The following AEBP1 variants were observed in gnomAD, a reference collection of about 807,000 sequenced individuals.
AEBP1 encodes adipocyte enhancer-binding protein 1.
A neutral mutation model predicts 116.5 loss-of-function variants in AEBP1; 69 were observed. The ratio of observed to expected loss-of-function variants is 0.59; its 90% CI spans 0.49 to 0.72. AEBP1 has a LOEUF of 0.72. Among genes scored for constraint, AEBP1 ranks in the 30% least tolerant of loss-of-function variants. The pLI is 0.00. For synonymous variants in AEBP1, 627 were observed against 627.3 expected (o/e 1.00, Z 0.01); for missense variants, 1,444 against 1,557.5 (o/e 0.93, Z 1.23).
Position 44,112,321 on chromosome 7 carries a change from G to A in AEBP1, c.2217G>A (p.Thr739=), listed in dbSNP as rs1437133177. 1 of 1,544,086 alleles carries A rather than the reference G, an allele frequency of 6.5e-7. No individual in the cohort carries two copies. ...AACGCTACCTTTCGCCAGATGCCAC[G>A]GTGAGGCTACAGCCTGGCTGAAAGG... The part of the protein sequence containing the change: ...IPERYLSPDA[T]VSTEVRAIIA... The change falls in exon 17 of 21, where the codon ACG becomes ACA. Residue 739 remains threonine, a splice_region_variant and synonymous_variant. Transcript: ENST00000223357. The surrounding 1 kb of genome is among the most constrained non-coding windows in gnomAD (Gnocchi z 6.6).
Position 44,111,197 on chromosome 7 carries a change from T to C in AEBP1, c.1674T>C (p.Asp558=), listed in dbSNP as rs2096229006. The C allele has an allele frequency of 6.6e-7, 1 of 1,515,150 alleles. No individual in the cohort carries two copies. The highest frequency in any genetic ancestry group is 2.3e-5 in the East Asian group (1 of 43,804). The allele number at this position is 1,515,150 out of a possible 1,614,324, so 93.9% of individuals were successfully genotyped here. A position where few individuals can be genotyped will look rare whatever the true frequency, so the allele number is the denominator to read the frequency against. ...CACAGAATGAGGTGGTGGCCACCGA[T>C]GACCTGGATTTCCGGCACCACAGCT... The part of the protein sequence containing the change: ...YYAQNEVVAT[D]DLDFRHHSYK... The change falls in exon 14 of 21, where the codon GAT becomes GAC. Residue 558 remains aspartate (D), a synonymous_variant. Transcript: ENST00000223357. This position sits in a 1 kb window ranked among gnomAD's most constrained non-coding sequence, Gnocchi z 4.7.
At chr7:44,109,552 G>A (rs1014041731) in intron 9 of AEBP1, 5 of 621,330 alleles carry the variant, frequency 8.0e-6, no homozygotes, top group Non-Finnish European at 1.4e-5. Flanking sequence ...GCTTCAGGAG[G>A]GTGGCAGCTC....
rs376965157 is a variant in AEBP1 at position 44,108,973 on chromosome 7, CTGAG to C, written c.1018+4_1018+7del. ...CCAGACAGACGAAGAGAAGGAGGAG[CTGAG>C]TGAGTGGGACCAAGGACTTCCCACA... On this transcript the variant is annotated splice_donor_variant and coding_sequence_variant, in exon 7 of 21. Coordinates refer to ENST00000223357, the MANE Select transcript of AEBP1 (RefSeq NM_001129.5). LOFTEE classifies it high-confidence loss of function. This position sits in a 1 kb window ranked among gnomAD's most constrained non-coding sequence, Gnocchi z 5.0. The C allele has an allele frequency of 7.7e-3, 12,338 of 1,605,148 alleles. 75 individuals carry two copies. Among genetic ancestry groups the C allele is most frequent in the Non-Finnish European group, 9.1e-3 (10,673 of 1,176,442 alleles).
rs1397113448 is a variant in AEBP1 at position 44,106,804 on chromosome 7, C to T, written c.512C>T (p.Pro171Leu). 6.2e-7 allele frequency: 1 copy of T among 1,611,100 alleles called. No homozygotes were observed. The highest frequency in any genetic ancestry group is 1.1e-5 in the South Asian group (1 of 90,674). ...TKKPPSGKRP[P>L]ILAPSETLEW... ...AAGCCCCCGTCAGGGAAGAGGCCCC[C>T]CATTCTGGCTCCCTCAGAAACCCTG... Residue 171 changes from proline to leucine, a missense_variant, in exon 2 of 21, where the codon CCC becomes CTC. By Grantham distance (98) the Pro-to-Leu change is moderately conservative. Transcript: ENST00000223357.
rs1457999090 is a variant in AEBP1, at chr7:44,110,216, A to G, written c.1270A>G (p.Thr424Ala). 4 of 1,613,514 alleles carry G rather than the reference A, an allele frequency of 2.5e-6. No individual in the cohort carries two copies. Among genetic ancestry groups the G allele is most frequent in the Non-Finnish European group, 3.4e-6 (4 of 1,180,014 alleles). ...RGRLNMQTGA[T>A]EDDYYDGAWC... Reference sequence around the variant, plus strand: ...CCTGCCCCCTGGACAGACCGGTGCCACTGAGGACGACTACTATGATGGTGC... The same window carrying G: ...CCTGCCCCCTGGACAGACCGGTGCCGCTGAGGACGACTACTATGATGGTGC... Residue 424 changes from threonine to alanine, a missense_variant, in exon 11 of 21, where the codon ACT (threonine) becomes GCT (alanine). Physicochemically the swap from Thr to Ala is moderately conservative, Grantham distance 58. Transcript: ENST00000223357.
chr7:44,112,763 A>G lies in AEBP1; in HGVS notation c.2423A>G (p.Asp808Gly), dbSNP rs1193707756. ...GTCTCCGAGGCCCAGGAGACTCCAG[A>G]CCACGCCATCTTCCGGTGGCTTGCC... is the stretch of plus-strand genomic sequence containing the variant. ...DEVSEAQETP[D>G]HAIFRWLAIS... Residue 808 changes from aspartate (D) to glycine (G), a missense_variant, in exon 18 of 21, where the codon GAC (aspartate) becomes GGC (glycine). Coordinates refer to ENST00000223357, the MANE Select transcript of AEBP1 (RefSeq NM_001129.5). The surrounding 1 kb of genome is among the most constrained non-coding windows in gnomAD (Gnocchi z 6.6). 1 of 1,613,118 alleles carries G rather than the reference A, an allele frequency of 6.2e-7. No homozygotes were observed.
At position 44,107,732 on chromosome 7, in the gene AEBP1, C is replaced by T. The variant is rs1053005862; in HGVS notation, c.739+32C>T. The T allele has an allele frequency of 8.7e-6, 14 of 1,613,100 alleles. No individual in the cohort carries two copies. The highest frequency in any genetic ancestry group is 4.0e-5 in the African/African-American group (3 of 74,850). ...AGGGTCCTGCCAGCCCCACCTGGGT[C>T]GGACCCCTGGCCTGGGGGATGTGCC... On this transcript the variant is annotated intron_variant, in intron 4 of 20. Coordinates refer to ENST00000223357, the MANE Select transcript of AEBP1 (RefSeq NM_001129.5). This position sits in a 1 kb window ranked among gnomAD's most constrained non-coding sequence, Gnocchi z 4.3.
rs780509686 is a variant in AEBP1, at chr7:44,110,920, A to G, written c.1493A>G (p.His498Arg). 2 of 1,613,788 alleles carry G rather than the reference A, an allele frequency of 1.2e-6. No individual in the cohort carries two copies. Among genetic ancestry groups the G allele is most frequent in the Admixed American group, 1.7e-5 (1 of 59,998 alleles). The stretch of plus-strand genomic sequence containing the variant: ...AGGCCTGCCTCTCCCCAGACCTTTC[A>G]TGGGAACGTGGACAAGGACACACCC... ...YTNGYEEMTF[H>R]GNVDKDTPVL... Residue 498 changes from histidine to arginine, a missense_variant, in exon 13 of 21, where the codon CAT becomes CGT. His to Arg is a conservative substitution (Grantham distance 29). Transcript: ENST00000223357.
chr7:44,106,784 C>T lies in AEBP1; in HGVS notation c.492C>T (p.Pro164=). 1 of 1,612,234 alleles carries T rather than the reference C, an allele frequency of 6.2e-7. No individual in the cohort carries two copies. The change falls in exon 2 of 21, where the codon CCC becomes CCT. Residue 164 remains proline (P), a synonymous_variant. Transcript: ENST00000223357. ...KEKPPKATKK[P]PSGKRPPILA... is the part of the protein sequence containing the mutation. ...AGCCACCCAAGGCCACCAAGAAGCCCCCGTCAGGGAAGAGGCCCCCCATTC... is the reference window on the plus strand; with the variant it reads ...AGCCACCCAAGGCCACCAAGAAGCCTCCGTCAGGGAAGAGGCCCCCCATTC...
In AEBP1 at chr7:44,110,039, C is replaced by T. The variant is rs144457398; in HGVS notation, c.1175C>T (p.Ser392Leu). 93 of 1,612,836 alleles carry T rather than the reference C, an allele frequency of 5.8e-5. No individual in the cohort carries two copies. The highest frequency in any genetic ancestry group is 7.6e-5 in the Non-Finnish European group (90 of 1,179,988). Reference sequence around the variant, plus strand: ...GAGTGTCCCCCCATTGGGATGGAGTCACACCGTATTGAGGACAACCAGATC... The same window carrying T: ...GAGTGTCCCCCCATTGGGATGGAGTTACACCGTATTGAGGACAACCAGATC... ...KVKCPPIGMESHRIEDNQIRA... is the reference protein window; with the variant it reads ...KVKCPPIGMELHRIEDNQIRA... Residue 392 changes from serine (S) to leucine (L), a missense_variant, in exon 10 of 21, where the codon TCA becomes TTA. Transcript: ENST00000223357.
Position 44,112,822 on chromosome 7 carries a change from G to A in AEBP1, c.2482G>A (p.Glu828Lys), listed in dbSNP as rs752463790. The change falls in exon 18 of 21, where the codon GAG becomes AAG. Residue 828 changes from glutamate (E) to lysine (K), a missense_variant. Physicochemically the swap from Glu to Lys is moderately conservative, Grantham distance 56. Coordinates refer to ENST00000223357, the MANE Select transcript of AEBP1 (RefSeq NM_001129.5). This position sits in a 1 kb window ranked among gnomAD's most constrained non-coding sequence, Gnocchi z 6.6. The stretch of plus-strand genomic sequence containing the variant: ...CGCCTCCGCACACCTCACCTTGACC[G>A]AGCCCTACCGCGGAGGCTGCCAAGC... ...SFASAHLTLT[E>K]PYRGGCQAQD... is the part of the protein sequence containing the mutation. 4.3e-6 allele frequency: 7 copies of A among 1,612,048 alleles called. No homozygotes were observed. In the Admixed American group the frequency reaches 5.0e-5, roughly 12 times the overall value.
Position 44,112,459 on chromosome 7 carries a change from T to G in AEBP1, c.2218-99T>G. On this transcript the variant is annotated intron_variant, in intron 17 of 20. Coordinates refer to ENST00000223357, the MANE Select transcript of AEBP1 (RefSeq NM_001129.5). This position sits in a 1 kb window ranked among gnomAD's most constrained non-coding sequence, Gnocchi z 6.6. ...CTGGGGGTTGGGGGACAGGGGATCG[T>G]GCGAGTACTGGTGTGAAGCTTCATG... The G allele has an allele frequency of 7.2e-7, 1 of 1,390,276 alleles. No homozygotes were observed. Among genetic ancestry groups the G allele is most frequent in the South Asian group, 1.4e-5 (1 of 71,206 alleles). 86.1% of individuals were successfully genotyped at this position (1,390,276 alleles called of 1,614,324 possible).
In AEBP1 at chr7:44,108,474, C is replaced by T. The variant is rs1312532207; in HGVS notation, c.940+390C>T. 6.6e-6 allele frequency among the ~76,000 whole-genome samples: 1 copy of T among 152,108 alleles called. No individual in the cohort carries two copies. Among genetic ancestry groups the T allele is most frequent in the East Asian group, 1.9e-4 (1 of 5,194 alleles). On this transcript the variant is annotated intron_variant, in intron 6 of 20. Coordinates refer to ENST00000223357, the MANE Select transcript of AEBP1 (RefSeq NM_001129.5). This position sits in a 1 kb window ranked among gnomAD's most constrained non-coding sequence, Gnocchi z 5.0. ...CTTTTGCCTCCCTGTTGCTCATGCC[C>T]CTGCGTCCCTGGAGCCCTCAGGTTC...
At position 44,107,958 on chromosome 7, in the gene AEBP1, G is replaced by T; in HGVS notation, c.862+27G>T. 7.0e-7 allele frequency: 1 copy of T among 1,425,282 alleles called. No individual in the cohort carries two copies. Among genetic ancestry groups the T allele is most frequent in the Non-Finnish European group, 9.1e-7 (1 of 1,094,418 alleles). 88.3% of individuals were successfully genotyped at this position (1,425,282 alleles called of 1,614,324 possible). Reference sequence around the variant, plus strand: ...TAGGATGGGGGGCAGGAGAGGAGGTGCCATGGCCACGGCGCTCTGGCCCCC... The same window carrying T: ...TAGGATGGGGGGCAGGAGAGGAGGTTCCATGGCCACGGCGCTCTGGCCCCC... On this transcript the variant is annotated intron_variant, in intron 5 of 20. Coordinates refer to ENST00000223357, the MANE Select transcript of AEBP1 (RefSeq NM_001129.5). This position sits in a 1 kb window ranked among gnomAD's most constrained non-coding sequence, Gnocchi z 4.3.
chr7:44,113,918 G>A lies in AEBP1; in HGVS notation c.3134G>A (p.Gly1045Asp), dbSNP rs772587354. ...CGCCTCAACGCCACCACCACCCTAG[G>A]CCCCCACACTGTGCCTCCCACGCTG... ...LRRLNATTTL[G>D]PHTVPPTLPP... The change falls in exon 21 of 21, where the codon GGC becomes GAC. Residue 1045 changes from glycine (G) to aspartate (D), a missense_variant. Physicochemically the swap from Gly to Asp is moderately conservative, Grantham distance 94. Coordinates refer to ENST00000223357, the MANE Select transcript of AEBP1 (RefSeq NM_001129.5). This position sits in a 1 kb window ranked among gnomAD's most constrained non-coding sequence, Gnocchi z 5.3. 1 of 1,613,492 alleles carries A rather than the reference G, an allele frequency of 6.2e-7. No homozygotes were observed. The highest frequency in any genetic ancestry group is 1.1e-5 in the South Asian group (1 of 91,076).
rs1562688985 is a variant in AEBP1 at position 44,112,921 on chromosome 7, T to G, written c.2569+12T>G. ...CCCCCGGACCGGGAGTGAGTCAGCC[T>G]GGGAGGGGCTGTGGGCGGGGCCTGG... On this transcript the variant is annotated intron_variant, in intron 18 of 20. Transcript: ENST00000223357. The surrounding 1 kb of genome is among the most constrained non-coding windows in gnomAD (Gnocchi z 6.6). 1 of 1,604,180 alleles carries G rather than the reference T, an allele frequency of 6.2e-7. No individual in the cohort carries two copies. Among genetic ancestry groups the G allele is most frequent in the Non-Finnish European group, 8.5e-7 (1 of 1,173,990 alleles).
intron 1 of AEBP1, among the ~76,000 whole-genome samples, chr7:44,105,647 C>T (rs909857306): frequency 2.0e-5 from 3 of 151,964 alleles, no homozygotes; most frequent in Admixed American, 6.5e-5. Context: ...CTGCTTCCCA[C>T]ACCCTGGGCT....
At position 44,110,353 on chromosome 7, in the gene AEBP1, G is replaced by A; in HGVS notation, c.1400+7G>A. ...GCAGAGACTCCAGCATCCAGTGCGT[G>A]GCCAGGCTCATGGATAGTTGGCAGA... On this transcript the variant is annotated splice_region_variant and intron_variant, in intron 11 of 20. Transcript: ENST00000223357. 6.2e-7 allele frequency: 1 copy of A among 1,613,638 alleles called. No homozygotes were observed. Among genetic ancestry groups the A allele is most frequent in the Non-Finnish European group, 8.5e-7 (1 of 1,179,990 alleles).
chr7:44,107,962 T>C lies in AEBP1; in HGVS notation c.862+31T>C, dbSNP rs1354120925. ...ATGGGGGGCAGGAGAGGAGGTGCCA[T>C]GGCCACGGCGCTCTGGCCCCCTCCT... On this transcript the variant is annotated intron_variant, in intron 5 of 20. Coordinates refer to ENST00000223357, the MANE Select transcript of AEBP1 (RefSeq NM_001129.5). This position sits in a 1 kb window ranked among gnomAD's most constrained non-coding sequence, Gnocchi z 4.3. 1 of 1,422,966 alleles carries C rather than the reference T, an allele frequency of 7.0e-7. No individual in the cohort carries two copies. Among genetic ancestry groups the C allele is most frequent in the Non-Finnish European group, 9.1e-7 (1 of 1,093,132 alleles). 88.1% of individuals were successfully genotyped at this position (1,422,966 alleles called of 1,614,324 possible).
Sources: allele counts gnomAD v4.1 joint callset (sites outside exome capture counted in the v4.1 genomes callset), GRCh38; gene constraint gnomAD v4.1.1; non-coding constraint Gnocchi (gnomAD v3.1); transcripts MANE v1.5; gene names NCBI Gene and HGNC (gene_info 2026-07-23, HGNC 2026-07-21).